Variants in TYW1B observed in about 807,000 individuals in gnomAD.
TYW1B encodes S-adenosyl-L-methionine-dependent tRNA 4-demethylwyosine synthase TYW1B.
In TYW1B, 73 loss-of-function variants were observed where a neutral mutation model predicts 86.9. That is an observed-to-expected ratio of 0.84 (90% CI 0.70 to 1.02). TYW1B has a LOEUF of 1.02. TYW1B is among the 50% of genes least tolerant of loss of function. TYW1B has a pLI of 0.00. For synonymous variants in TYW1B, 248 were observed against 292.8 expected, an observed-to-expected ratio of 0.85 and a Z score of 1.56; for missense variants, 637 against 827.4, an observed-to-expected ratio of 0.77 and a Z score of 2.82.
intron 11 of TYW1B, among the ~76,000 whole-genome samples, chr7:72,668,125 G>A (rs782460630): frequency 1.6e-4 from 24 of 152,132 alleles, no homozygotes; most frequent in Non-Finnish European, 2.8e-4. Context: ...CTACATTAAT[G>A]ACCTACATAA....
In TYW1B at chr7:72,783,839, C is replaced by T. The variant is rs1362103797; in HGVS notation, c.847-6306G>A. Reference sequence around the variant, plus strand: ...GTGAGTCAAGATGGTTTAAGGGCAGCGTATTGGGGTTGAAAGGATATCACC... The same window carrying T: ...GTGAGTCAAGATGGTTTAAGGGCAGTGTATTGGGGTTGAAAGGATATCACC... On this transcript the variant is annotated intron_variant, in intron 6 of 13. Transcript: ENST00000620995. 4.6e-5 allele frequency among the ~76,000 whole-genome samples: 7 copies of T among 152,224 alleles called. No individual in the cohort carries two copies. The South Asian group carries it at 6.2e-4, about 14-fold the overall frequency.
At chr7:72,699,650 TTTTC>T (rs1323153541) in intron 10 of TYW1B, among the ~76,000 whole-genome samples, 3 of 151,792 alleles carry the variant, frequency 2.0e-5, no homozygotes, top group African/African-American at 7.3e-5. Flanking sequence ...TTAATTTTTC[TTTTC>T]TTTTTTTTTT....
At chr7:72,790,469 GTC>G (rs1342199545) in intron 6 of TYW1B, among the ~76,000 whole-genome samples, 31 of 152,152 alleles carry the variant, frequency 2.0e-4, no homozygotes, top group Admixed American at 1.9e-3. Flanking sequence ...AGTGGCTGAC[GTC>G]TGTCACCAGC....
At chr7:72,752,454 A>G (rs1189495916) in intron 7 of TYW1B, among the ~76,000 whole-genome samples, 2 of 152,126 alleles carry the variant, frequency 1.3e-5, no homozygotes, top group East Asian at 1.9e-4. Flanking sequence ...TATCAGGCAG[A>G]GCAGGGTGGC....
intron 13 of TYW1B, among the ~76,000 whole-genome samples, chr7:72,585,318 A>G (rs1327438884): frequency 6.6e-6 from 1 of 152,236 alleles, no homozygotes; most frequent in Non-Finnish European, 1.5e-5. Context: ...CACATTCAAG[A>G]GTTGAAATAA....
At chr7:72,751,513 C>T (rs555527816) in intron 7 of TYW1B, among the ~76,000 whole-genome samples, 63 of 152,256 alleles carry the variant, frequency 4.1e-4, no homozygotes, top group African/African-American at 1.4e-3. Context: ...TCTTTTATAA[C>T]TTGTCTTTGC....
chr7:72,587,392 C>T (rs1811299813), intron 13 of TYW1B, among the ~76,000 whole-genome samples: 1 of 152,136 alleles, frequency 6.6e-6, no homozygotes, highest in South Asian at 2.1e-4. Flanking sequence ...TATGATTACT[C>T]AAATCGGTGT....
intron 11 of TYW1B, among the ~76,000 whole-genome samples, chr7:72,663,761 C>CAAAAA (rs1177247717): frequency 3.5e-5 from 2 of 57,832 alleles, no homozygotes; most frequent in African/African-American, 1.6e-4. Context: ...GACTCCATCT[C>CAAAAA]AAAAAAAAAA....
intron 11 of TYW1B, among the ~76,000 whole-genome samples, chr7:72,639,160 G>A (rs1812739878): frequency 6.6e-6 from 1 of 152,072 alleles, no homozygotes; most frequent in South Asian, 2.1e-4. Flanking sequence ...GAGAAAATGA[G>A]ATACATTTGA....
chr7:72,729,072 T>A, intron 8 of TYW1B, 141 bp from the exon 9 acceptor site: 1 of 682,790 alleles, frequency 1.5e-6, no homozygotes, highest in Non-Finnish European at 2.5e-6. Context: ...TATAGTGGTA[T>A]TTTCCAACTT....
rs567640261 is a variant in TYW1B at position 72,744,361 on chromosome 7, A to G, written c.1082+123T>C. 9.4e-5 allele frequency: 101 copies of G among 1,071,520 alleles called. No individual in the cohort carries two copies. The African/African-American group carries it at 1.5e-3, about 15-fold the overall frequency. 66.4% of individuals were successfully genotyped at this position (1,071,520 alleles called of 1,614,324 possible). On this transcript the variant is annotated intron_variant, in intron 8 of 13. Coordinates refer to ENST00000620995, the MANE Select transcript of TYW1B (RefSeq NM_001145440.3). ...ACAAAATTTTTATACACTAACATTC[A>G]CAGTGAAAAAGATTAATCACCAAGA...
intron 6 of TYW1B, among the ~76,000 whole-genome samples, chr7:72,793,176 T>TA (rs1404528380): frequency 8.2e-4 from 124 of 151,436 alleles, no homozygotes; most frequent in African/African-American, 2.9e-3. Flanking sequence ...CCGTCTATAC[T>TA]AAAAAAATAC....
intron 7 of TYW1B, among the ~76,000 whole-genome samples, chr7:72,765,585 C>A (rs1315182558): frequency 6.6e-6 from 1 of 152,128 alleles, no homozygotes. Context: ...CGTGCCTCAG[C>A]CTCTCGAGTA....
intron 12 of TYW1B, among the ~76,000 whole-genome samples, chr7:72,620,351 A>G (rs541146041): frequency 1.3e-5 from 2 of 152,276 alleles, no homozygotes; most frequent in East Asian, 3.9e-4. Flanking sequence ...AAGCTGAGAT[A>G]GTGCCTCTCC....
chr7:72,664,413 C>G (rs1813412341), intron 11 of TYW1B, among the ~76,000 whole-genome samples: 1 of 152,086 alleles, frequency 6.6e-6, no homozygotes, highest in Admixed American at 6.6e-5. Flanking sequence ...TCCCCTTTGT[C>G]CTTATAAGCA....
chr7:72,695,254 T>C (rs1345497384), intron 10 of TYW1B, among the ~76,000 whole-genome samples: 1 of 152,140 alleles, frequency 6.6e-6, no homozygotes, highest in East Asian at 1.9e-4. Flanking sequence ...GGAAGTCTTC[T>C]AAGGAACAAG....
rs1371329583 is a variant in TYW1B, at chr7:72,617,491, C to T, written c.1618-652G>A. Among the ~76,000 whole-genome samples the T allele has an allele frequency of 3.9e-5, 6 of 152,136 alleles. No individual in the cohort carries two copies. The East Asian group carries it at 9.7e-4, about 24-fold the overall frequency. ...AAGAGAGTCTCGTGCCTCAGCCTTC[C>T]GAGTAGCTGGGATTACAGGCGCCTG... is the stretch of plus-strand genomic sequence containing the variant. On this transcript the variant is annotated intron_variant, in intron 12 of 13. Coordinates refer to ENST00000620995, the MANE Select transcript of TYW1B (RefSeq NM_001145440.3).
intron 9 of TYW1B, among the ~76,000 whole-genome samples, chr7:72,715,420 G>C (rs1374341374): frequency 1.3e-5 from 2 of 152,132 alleles, no homozygotes; most frequent in Non-Finnish European, 2.9e-5. Context: ...GGTTTGTCAG[G>C]TACTGCTCTT....
intron 11 of TYW1B, among the ~76,000 whole-genome samples, chr7:72,645,044 G>A (rs1433866024): frequency 1.4e-4 from 22 of 152,028 alleles, no homozygotes; most frequent in Admixed American, 1.2e-3. Context: ...AGCCAGGATG[G>A]TCTTGATCTC....
Sources: gnomAD v4.1 joint callset for allele counts (sites outside exome capture counted in the v4.1 genomes callset) on GRCh38, gnomAD v4.1.1 for gene constraint, MANE v1.5 for transcripts, NCBI Gene and HGNC (gene_info 2026-07-23, HGNC 2026-07-21) for gene names.